The following ATP8A1 variants were observed in gnomAD, a reference collection of about 807,000 sequenced individuals.
ATP8A1 encodes the protein phospholipid-transporting ATPase IA.
A neutral mutation model predicts 177.7 loss-of-function variants in ATP8A1; 90 were observed. The ratio of observed to expected loss-of-function variants is 0.51; its 90% CI spans 0.43 to 0.60. The LOEUF (loss-of-function observed/expected upper bound fraction) is 0.60. ATP8A1 is among the 20% of genes least tolerant of loss of function. ATP8A1 has a pLI of 0.00. For missense variants in ATP8A1, 1,072 were observed against 1,392.8 expected (o/e 0.77, Z 3.67); for synonymous variants, 493 against 485.9 (o/e 1.01, Z -0.19).
intron 24 of ATP8A1, among the ~76,000 whole-genome samples, chr4:42,490,802 A>G (rs978113193): frequency 4.6e-5 from 7 of 152,202 alleles, no homozygotes; most frequent in African/African-American, 1.4e-4. Context: ...TGAGTCCTCC[A>G]GGTGACATCA....
Position 42,479,497 on chromosome 4 carries a change from G to C in ATP8A1, c.2324+5999C>G, listed in dbSNP as rs75948681. 5.8e-3 allele frequency among the ~76,000 whole-genome samples: 890 copies of C among 152,302 alleles called. 8 individuals are homozygous for C. The highest frequency in any genetic ancestry group is 0.019 in the African/African-American group (806 of 41,560). ...GAGGTCAGTAGGCTGACAGGTCAGA[G>C]AAATGCCATAGGTTCCACACATCAT... On this transcript the variant is annotated intron_variant, in intron 25 of 36. Coordinates refer to ENST00000381668, the MANE Select transcript of ATP8A1 (RefSeq NM_006095.2).
At chr4:42,471,878 T>C in intron 25 of ATP8A1, 1 of 622,996 alleles carries the variant, frequency 1.6e-6, no homozygotes, top group South Asian at 1.4e-5. Flanking sequence ...GAGTCCGGCA[T>C]CTTTCAGGCT....
chr4:42,555,139 A>ATCTATCTATCTT lies in ATP8A1; in HGVS notation c.1413+828_1413+829insAAGATAGATAGA, dbSNP rs1553903246. 2.3e-3 allele frequency among the ~76,000 whole-genome samples: 135 copies of ATCTATCTATCTT among 59,550 alleles called. 2 individuals carry two copies. The highest frequency in any genetic ancestry group is 5.1e-3 in the East Asian group (12 of 2,336). 39.1% of individuals were successfully genotyped at this position (59,550 alleles called of 152,430 possible). On this transcript the variant is annotated intron_variant, in intron 16 of 36. Coordinates refer to ENST00000381668, the MANE Select transcript of ATP8A1 (RefSeq NM_006095.2). ...TATCTATCTATCTATCTATCTATCT[A>ATCTATCTATCTT]ATCTATCTATCTATCTATCTATCTA...
intron 10 of ATP8A1, among the ~76,000 whole-genome samples, chr4:42,581,384 T>C (rs543042735): frequency 1.7e-4 from 26 of 152,278 alleles, no homozygotes; most frequent in East Asian, 7.7e-4. Flanking sequence ...CCGCCCGCCT[T>C]GGCCTCCCAA....
At chr4:42,467,021 G>T (rs1032823333) in intron 25 of ATP8A1, among the ~76,000 whole-genome samples, 1 of 152,110 alleles carries the variant, frequency 6.6e-6, no homozygotes, top group Non-Finnish European at 1.5e-5. Context: ...GTTACACCAA[G>T]GGTTCAACAG....
chr4:42,455,106 A>G (rs1180261638), intron 29 of ATP8A1, among the ~76,000 whole-genome samples, 191 bp downstream of exon 29: 1 of 152,178 alleles, frequency 6.6e-6, no homozygotes, highest in East Asian at 1.9e-4. Context: ...AAAAACCCCA[A>G]ACTCAACCAA....
chr4:42,533,393 C>T (rs1029890788), intron 20 of ATP8A1, among the ~76,000 whole-genome samples: 2 of 152,066 alleles, frequency 1.3e-5, no homozygotes, highest in Non-Finnish European at 2.9e-5. Context: ...TTCCCCACTT[C>T]CCTGGTGATG....
intron 33 of ATP8A1, among the ~76,000 whole-genome samples, chr4:42,434,037 T>C (rs1224489663): frequency 6.6e-6 from 1 of 152,056 alleles, no homozygotes; most frequent in African/African-American, 2.4e-5. Flanking sequence ...CACTAGAAAA[T>C]GTGCAGTTCT....
intron 6 of ATP8A1, among the ~76,000 whole-genome samples, chr4:42,599,338 A>G (rs1451821863): frequency 6.6e-6 from 1 of 152,220 alleles, no homozygotes; most frequent in African/African-American, 2.4e-5. Flanking sequence ...CATAGGTGCC[A>G]GAAAAGAGTA....
intron 3 of ATP8A1, chr4:42,625,286 C>T (rs1287119834): frequency 5.6e-6 from 1 of 178,100 alleles, no homozygotes; most frequent in Non-Finnish European, 1.2e-5. Flanking sequence ...AAGAGAAGCA[C>T]AAGATTTAAC....
At position 42,624,605 on chromosome 4, in the gene ATP8A1, A is replaced by C; in HGVS notation, c.294T>G (p.Arg98=). The change falls in exon 4 of 37, where the codon CGT becomes CGG. Residue 98 remains arginine, a synonymous_variant. Coordinates refer to ENST00000381668, the MANE Select transcript of ATP8A1 (RefSeq NM_006095.2). ...ATAAGAGAGGAACCAGTGTTGTATA[A>C]CGACCTGTTGGTGACACATCAGGTA... is the stretch of plus-strand genomic sequence containing the variant. The part of the protein sequence containing the change: ...QQIPDVSPTG[R]YTTLVPLLFI... 1.4e-6 allele frequency: 2 copies of C among 1,478,956 alleles called. No homozygotes were observed. Among genetic ancestry groups the C allele is most frequent in the South Asian group, 3.1e-5 (2 of 64,528 alleles). 91.6% of individuals were successfully genotyped at this position (1,478,956 alleles called of 1,614,324 possible).
chr4:42,605,097 A>T (rs990049557), intron 5 of ATP8A1, among the ~76,000 whole-genome samples: 17 of 152,202 alleles, frequency 1.1e-4, no homozygotes, highest in Admixed American at 4.6e-4. Flanking sequence ...GGTTGTGGTG[A>T]TCGGTGCATA....
chr4:42,563,913 G>A (rs1731096932), intron 15 of ATP8A1, among the ~76,000 whole-genome samples: 1 of 152,190 alleles, frequency 6.6e-6, no homozygotes, highest in African/African-American at 2.4e-5. Context: ...CAGCCAACTG[G>A]GGAAACCCTG....
At chr4:42,471,990 A>C (rs1720472591) in intron 25 of ATP8A1, 2 of 716,706 alleles carry the variant, frequency 2.8e-6, no homozygotes, top group African/African-American at 3.5e-5. Flanking sequence ...GAAAGCTATC[A>C]TAATCTTTGT....
At chr4:42,469,294 C>T (rs970258226) in intron 25 of ATP8A1, among the ~76,000 whole-genome samples, 66 of 152,176 alleles carry the variant, frequency 4.3e-4, no homozygotes, top group African/African-American at 1.5e-3. Context: ...TACTAGGGAA[C>T]GAGCCCCACT....
chr4:42,574,885 G>C (rs1732285354), intron 13 of ATP8A1, among the ~76,000 whole-genome samples, 178 bp from the exon 14 acceptor site: 1 of 152,124 alleles, frequency 6.6e-6, no homozygotes. Context: ...TTTTACAAAT[G>C]AATCTTTTCA....
intron 20 of ATP8A1, among the ~76,000 whole-genome samples, chr4:42,535,069 T>C (rs1727648518): frequency 6.6e-6 from 1 of 151,488 alleles, no homozygotes; most frequent in Non-Finnish European, 1.5e-5. Flanking sequence ...AGCATAAATC[T>C]CACAGGACCT....
At chr4:42,448,857 A>AT (rs1264827646) in intron 30 of ATP8A1, among the ~76,000 whole-genome samples, 147 of 78,536 alleles carry the variant, frequency 1.9e-3, no homozygotes, top group African/African-American at 7.0e-3. Flanking sequence ...TTTTTTTGAG[A>AT]TGGAGTCTTG....
intron 33 of ATP8A1, among the ~76,000 whole-genome samples, chr4:42,439,221 G>T (rs1716350785): frequency 6.6e-6 from 1 of 152,104 alleles, no homozygotes; most frequent in South Asian, 2.1e-4. Flanking sequence ...GTAAAGAGAG[G>T]CATACAAGAG....
Sources: gnomAD v4.1 joint callset for allele counts (sites outside exome capture counted in the v4.1 genomes callset) on GRCh38, gnomAD v4.1.1 for gene constraint, MANE v1.5 for transcripts, NCBI Gene and HGNC (gene_info 2026-07-23, HGNC 2026-07-21) for gene names.